The following AP3M2 variants were observed in gnomAD, a reference collection of about 807,000 sequenced individuals.
AP3M2 encodes AP-3 complex subunit mu-2.
AP3M2 carries 28 observed loss-of-function variants against 41.6 expected under a neutral mutation model. That is an observed-to-expected ratio of 0.67 (90% CI 0.50 to 0.92). AP3M2 has a LOEUF of 0.92. Ranked by LOEUF, AP3M2 falls within the 40% of genes least tolerant of loss-of-function variation. The pLI is 0.00. For missense variants in AP3M2, 427 were observed against 521.4 expected (o/e 0.82, Z 1.76); for synonymous variants, 193 against 186.4 (o/e 1.04, Z -0.29).
rs755997468 is a variant in AP3M2 at position 42,167,637 on chromosome 8, C to G, written c.1012-29C>G. ...CTGCTGTAACTATTTTTTGGAAAGACCACTTCTCCATTTTTATTTTCTTTG... is the reference window on the plus strand; with the variant it reads ...CTGCTGTAACTATTTTTTGGAAAGAGCACTTCTCCATTTTTATTTTCTTTG... On this transcript the variant is annotated intron_variant, in intron 7 of 8. Coordinates refer to ENST00000396926, the MANE Select transcript of AP3M2 (RefSeq NM_006803.4). The G allele has an allele frequency of 1.6e-5, 26 of 1,593,622 alleles. No homozygotes were observed. The South Asian group carries it at 3.0e-4, about 18-fold the overall frequency.
At chr8:42,161,599 ACT>A (rs1294467014) in intron 3 of AP3M2, among the ~76,000 whole-genome samples, 1 of 152,200 alleles carries the variant, frequency 6.6e-6, no homozygotes, top group African/African-American at 2.4e-5. Flanking sequence ...ATAGAGCGAG[ACT>A]CTATCTAAAA....
At chr8:42,155,248 A>T (rs1260572622) in intron 2 of AP3M2, among the ~76,000 whole-genome samples, 1 of 152,150 alleles carries the variant, frequency 6.6e-6, no homozygotes. Context: ...CACAAATTAG[A>T]GTTTAGATTG....
Position 42,155,014 on chromosome 8 carries a change from C to G in AP3M2, c.273+54C>G, listed in dbSNP as rs531379168. ...GTAAACCGTAAAGTGTCTTTGTAGT[C>G]CTGTTTCCATTGTGTAAAGCCTCCA... On this transcript the variant is annotated intron_variant, in intron 2 of 8. Coordinates refer to ENST00000396926, the MANE Select transcript of AP3M2 (RefSeq NM_006803.4). 11 of 1,460,214 alleles carry G rather than the reference C, an allele frequency of 7.5e-6. No homozygotes were observed. The African/African-American group carries it at 1.4e-4, about 19-fold the overall frequency. The allele number at this position is 1,460,214 out of a possible 1,614,324, so 90.5% of individuals were successfully genotyped here.
In AP3M2 at chr8:42,154,912, C is replaced by A. The variant is rs1366017930; in HGVS notation, c.225C>A (p.Pro75=). 8.7e-6 allele frequency: 14 copies of A among 1,614,014 alleles called. No homozygotes were observed. The highest frequency in any genetic ancestry group is 1.2e-5 in the Non-Finnish European group (14 of 1,180,030). Residue 75 remains proline (P), a synonymous_variant, in exon 2 of 9, where the codon CCC becomes CCA. Coordinates refer to ENST00000396926, the MANE Select transcript of AP3M2 (RefSeq NM_006803.4). ...TGGCCGTGATCCAGACGGAGGTCCC[C>A]CCTCTGTTTGTCATTGAGTTTCTTC... ...FFVAVIQTEV[P]PLFVIEFLHR...
At chr8:42,155,026 G>A in intron 2 of AP3M2, 66 bp downstream of exon 2, 1 of 1,317,412 alleles carries the variant, frequency 7.6e-7, no homozygotes, top group South Asian at 1.3e-5. Context: ...TGTTTCCATT[G>A]TGTAAAGCCT....
rs1564119247 is a variant in AP3M2, at chr8:42,167,274, T to C, written c.914T>C (p.Ile305Thr). 2 of 1,614,076 alleles carry C rather than the reference T, an allele frequency of 1.2e-6. No homozygotes were observed. Among genetic ancestry groups the C allele is most frequent in the Non-Finnish European group, 1.7e-6 (2 of 1,180,018 alleles). The change falls in exon 7 of 9, where the codon ATT (isoleucine) becomes ACT (threonine). Residue 305 changes from isoleucine to threonine, a missense_variant. Around this residue, in one of 3 missense-constraint regions of AP3M2, gnomAD observed 237 missense variants for 284.9 expected, o/e 0.83. Coordinates refer to ENST00000396926, the MANE Select transcript of AP3M2 (RefSeq NM_006803.4). Reference sequence around the variant, plus strand: ...CCCAAGCAGACGATGGGGAAGACCATTGAGGGAGTGACTGTCACCAGCCAG... The same window carrying C: ...CCCAAGCAGACGATGGGGAAGACCACTGAGGGAGTGACTGTCACCAGCCAG... ...VGPKQTMGKT[I>T]EGVTVTSQMP...
Position 42,165,430 on chromosome 8 carries a change from C to A in AP3M2, c.673C>A (p.Pro225Thr), listed in dbSNP as rs1206042241. 3 of 1,613,926 alleles carry A rather than the reference C, an allele frequency of 1.9e-6. No individual in the cohort carries two copies. Among genetic ancestry groups the A allele is most frequent in the Non-Finnish European group, 2.5e-6 (3 of 1,180,008 alleles). Residue 225 changes from proline to threonine, a missense_variant, in exon 6 of 9, where the codon CCT becomes ACT. By Grantham distance (38) the Pro-to-Thr change is conservative. Transcript: ENST00000396926. ...MPDLTLSFMNPRLLDDVSFHP... is the reference protein window; with the variant it reads ...MPDLTLSFMNTRLLDDVSFHP... Reference sequence around the variant, plus strand: ...TCTCCTCTCCTGATGACTGTAGAACCCTAGGTTGTTGGATGATGTCAGCTT... The same window carrying A: ...TCTCCTCTCCTGATGACTGTAGAACACTAGGTTGTTGGATGATGTCAGCTT...
At chr8:42,157,634 C>T (rs201534251) in intron 2 of AP3M2, among the ~76,000 whole-genome samples, 3,004 of 151,962 alleles carry the variant, frequency 0.02, 93 homozygotes, top group African/African-American at 0.069. Context: ...TTGATAAGCA[C>T]ATAATCAAGA....
intron 2 of AP3M2, among the ~76,000 whole-genome samples, chr8:42,156,672 A>G (rs1351248634): frequency 6.6e-6 from 1 of 152,242 alleles, no homozygotes; most frequent in Non-Finnish European, 1.5e-5. Context: ...TTTTAGGAAT[A>G]CATTCCTGAC....
chr8:42,153,851 C>T (rs1804280125), intron 1 of AP3M2: 1 of 152,072 alleles, frequency 6.6e-6, no homozygotes, highest in South Asian at 2.1e-4. Context: ...CAGAGAATAG[C>T]TCTGATTGGA....
At chr8:42,166,762 A>G (rs567138904) in intron 6 of AP3M2, among the ~76,000 whole-genome samples, 14 of 151,822 alleles carry the variant, frequency 9.2e-5, no homozygotes, top group African/African-American at 3.4e-4. Flanking sequence ...GCCAGACCCT[A>G]TCTCAAAAAA....
At chr8:42,166,486 A>G (rs1804639406) in intron 6 of AP3M2, among the ~76,000 whole-genome samples, 1 of 150,676 alleles carries the variant, frequency 6.6e-6, no homozygotes, top group Non-Finnish European at 1.5e-5. Context: ...TAAGGACCAG[A>G]TGATGTCAGA....
rs780500281 is a variant in AP3M2, at chr8:42,162,252, T to A, written c.446-29T>A. On this transcript the variant is annotated intron_variant, in intron 3 of 8. Coordinates refer to ENST00000396926, the MANE Select transcript of AP3M2 (RefSeq NM_006803.4). ...TGTGGTTTCTAGAGTCAAAATGGTGTTAAAATACAGTAATATTAATTGCCT... is the reference window on the plus strand; with the variant it reads ...TGTGGTTTCTAGAGTCAAAATGGTGATAAAATACAGTAATATTAATTGCCT... 3.8e-6 allele frequency: 6 copies of A among 1,593,042 alleles called. No individual in the cohort carries two copies. In the Admixed American group the frequency reaches 1.1e-4, roughly 28 times the overall value.
intron 7 of AP3M2, 123 bp from the exon 8 acceptor site, chr8:42,167,543 C>A: frequency 7.2e-7 from 1 of 1,386,512 alleles, no homozygotes; most frequent in Non-Finnish European, 9.9e-7. Flanking sequence ...GAAAGATACC[C>A]AGAGGCAGCT....
At chr8:42,168,376 ACT>A in intron 8 of AP3M2, 1 of 328,804 alleles carries the variant, frequency 3.0e-6, no homozygotes, top group Non-Finnish European at 6.1e-6. Context: ...ATCCTTAGAA[ACT>A]CTGTGATGTG....
intron 2 of AP3M2, 95 bp from the exon 3 acceptor site, chr8:42,157,846 A>G (rs752304458): frequency 2.7e-5 from 33 of 1,221,020 alleles, no homozygotes; most frequent in Middle Eastern, 2.3e-4. Flanking sequence ...ACACATGGAC[A>G]GGCCAGATCC....
rs1587919882 is a variant in AP3M2, at chr8:42,169,475, A to G, written c.*414A>G. The G allele has an allele frequency of 6.5e-6, 1 of 153,826 alleles. No homozygotes were observed. Among genetic ancestry groups the G allele is most frequent in the East Asian group, 1.9e-4 (1 of 5,214 alleles). The allele number at this position is 153,826 out of a possible 1,614,324, so 9.5% of individuals were successfully genotyped here. On this transcript the variant is annotated 3_prime_UTR_variant, in exon 9 of 9. Coordinates refer to ENST00000396926, the MANE Select transcript of AP3M2 (RefSeq NM_006803.4). ...ATGGGAAGAAAATGAATGTCAGTCA[A>G]GGAAAGGCCACTTAAGGATCTGCTC... is the stretch of plus-strand genomic sequence containing the variant.
intron 2 of AP3M2, among the ~76,000 whole-genome samples, 156 bp downstream of exon 2, chr8:42,155,116 A>C (rs1238758445): frequency 6.6e-6 from 1 of 152,110 alleles, no homozygotes; most frequent in Non-Finnish European, 1.5e-5. Context: ...TCTGGTTTCT[A>C]TTTATTGAAT....
In AP3M2 at chr8:42,167,354, T is replaced by C; in HGVS notation, c.994T>C (p.Phe332Leu). ...SLTPSQGTHT[F>L]DPVTKMLSWD... is the part of the protein sequence containing the mutation. ...TACTCCATCACAGGGGACACACACATTCGACCCAGTCACAAAGGTAGGGAT... is the reference window on the plus strand; with the variant it reads ...TACTCCATCACAGGGGACACACACACTCGACCCAGTCACAAAGGTAGGGAT... The change falls in exon 7 of 9, where the codon TTC becomes CTC. Residue 332 changes from phenylalanine to leucine, a missense_variant. Phe to Leu is a conservative substitution (Grantham distance 22). This residue lies in a region of AP3M2 where 237 missense variants were observed against 284.9 expected (regional missense o/e 0.83). Coordinates refer to ENST00000396926, the MANE Select transcript of AP3M2 (RefSeq NM_006803.4). The C allele has an allele frequency of 6.2e-7, 1 of 1,614,068 alleles. No individual in the cohort carries two copies. The highest frequency in any genetic ancestry group is 8.5e-7 in the Non-Finnish European group (1 of 1,179,980).
Sources: allele counts gnomAD v4.1 joint callset (sites outside exome capture counted in the v4.1 genomes callset), GRCh38; gene constraint gnomAD v4.1.1; regional missense constraint gnomAD v4.1.1; transcripts MANE v1.5; gene names NCBI Gene and HGNC (gene_info 2026-07-23, HGNC 2026-07-21).